DCAF1: variants seen among roughly 807,000 people sequenced by gnomAD.
DCAF1 encodes DDB1- and CUL4-associated factor 1.
A neutral mutation model predicts 128.0 loss-of-function variants in DCAF1; 15 were observed. That is an observed-to-expected ratio of 0.12 (90% confidence interval 0.08 to 0.18). The LOEUF (loss-of-function observed/expected upper bound fraction) is 0.18. Among genes scored for constraint, DCAF1 ranks in the 10% least tolerant of loss-of-function variants. The pLI, the probability that DCAF1 is intolerant of heterozygous loss-of-function variation, is 1.00. For synonymous variants in DCAF1, 610 were observed against 603.0 expected (o/e 1.01, Z -0.17); for missense variants, 988 against 1,649.5 (o/e 0.60, Z 6.95).
At chr3:51,483,907 G>C (rs574805616) in intron 2 of DCAF1, 71 bp from the exon 3 acceptor site, 3 of 1,062,204 alleles carry the variant, frequency 2.8e-6, no homozygotes, top group South Asian at 2.6e-5. Flanking sequence ...GTGAAGAAGG[G>C]GTAGAAAAGG....
intron 6 of DCAF1, 82 bp from the exon 7 acceptor site, chr3:51,443,985 G>GA (rs1370033424): frequency 5.8e-5 from 79 of 1,367,612 alleles, no homozygotes; most frequent in Non-Finnish European, 7.6e-5. Flanking sequence ...TCAGTCTCAT[G>GA]AAAAAAATTT....
chr3:51,411,786 C>T (rs1698438688), intron 23 of DCAF1, among the ~76,000 whole-genome samples: 1 of 152,036 alleles, frequency 6.6e-6, no homozygotes, highest in East Asian at 1.9e-4. Context: ...GAAGCCAGAA[C>T]GGGGCACAAA....
chr3:51,436,795 G>A lies in DCAF1; in HGVS notation c.1129-3531C>T, dbSNP rs188383786. Among the ~76,000 whole-genome samples, 34 of 152,240 alleles carry A rather than the reference G, an allele frequency of 2.2e-4. 1 individual carries two copies. The highest frequency in any genetic ancestry group is 1.4e-3 in the Admixed American group (22 of 15,292). On this transcript the variant is annotated intron_variant, in intron 9 of 24. Coordinates refer to ENST00000684031, the MANE Select transcript of DCAF1 (RefSeq NM_001387579.1). ...AAGAATTTGAAACAAACTCACTTGT[G>A]GGGAAAGAACGTAAAGAGACCGTTG...
intron 6 of DCAF1, among the ~76,000 whole-genome samples, chr3:51,452,183 G>A (rs1305453233): frequency 6.6e-6 from 1 of 151,952 alleles, no homozygotes; most frequent in African/African-American, 2.4e-5. Flanking sequence ...CCAAGCAGCT[G>A]AGACCACAGT....
At chr3:51,494,694 C>T (rs1199680758) in intron 2 of DCAF1, among the ~76,000 whole-genome samples, 5 of 151,984 alleles carry the variant, frequency 3.3e-5, no homozygotes, top group African/African-American at 1.2e-4. Context: ...GGCATTAAAA[C>T]ACTAAAATTT....
chr3:51,432,023 A>G (rs1700432873), intron 10 of DCAF1, among the ~76,000 whole-genome samples: 1 of 151,888 alleles, frequency 6.6e-6, no homozygotes, highest in Non-Finnish European at 1.5e-5. Flanking sequence ...CTGTAATCCC[A>G]GCACTTTGGG....
chr3:51,404,161 T>C (rs1240128039), intron 23 of DCAF1, among the ~76,000 whole-genome samples: 4 of 152,202 alleles, frequency 2.6e-5, no homozygotes, highest in Admixed American at 6.5e-5. Flanking sequence ...TCCCAACTGT[T>C]TCCCTTCAAA....
chr3:51,401,106 T>C (rs2089656343), intron 24 of DCAF1, among the ~76,000 whole-genome samples: 1 of 125,410 alleles, frequency 8.0e-6, no homozygotes, highest in African/African-American at 3.1e-5. Context: ...CACTCCAGCC[T>C]GGGCAACAGA....
downstream of DCAF1, chr3:51,397,670 C>CACGGCAGG (rs1353144242): frequency 6.0e-6 from 1 of 166,874 alleles, no homozygotes; most frequent in African/African-American, 2.4e-5. Flanking sequence ...GAGAGAGCTA[C>CACGGCAGG]ACGGCAGGGG....
At chr3:51,489,810 CATGT>C (rs1202556661) in intron 2 of DCAF1, among the ~76,000 whole-genome samples, 1 of 98,004 alleles carries the variant, frequency 1.0e-5, no homozygotes, top group African/African-American at 4.9e-5. Context: ...AGTGTGTATG[CATGT>C]GTGTGTGTGT....
chr3:51,485,546 G>T (rs573736459), intron 2 of DCAF1, among the ~76,000 whole-genome samples: 4 of 152,304 alleles, frequency 2.6e-5, no homozygotes, highest in Non-Finnish European at 5.9e-5. Context: ...TATAAAAGTA[G>T]CCTTAAAATC....
chr3:51,470,702 A>G (rs1255243471), intron 4 of DCAF1, among the ~76,000 whole-genome samples: 2 of 152,152 alleles, frequency 1.3e-5, no homozygotes, highest in Non-Finnish European at 2.9e-5. Flanking sequence ...AATATCAAAA[A>G]TATTTCCAAT....
intron 10 of DCAF1, among the ~76,000 whole-genome samples, chr3:51,431,047 G>C (rs782295187): frequency 8.5e-5 from 13 of 152,082 alleles, no homozygotes; most frequent in Non-Finnish European, 1.6e-4. Context: ...AGGTGTGGTG[G>C]TGTGCCCTTG....
At chr3:51,399,511 C>A (rs1400866491) in intron 24 of DCAF1, among the ~76,000 whole-genome samples, 1 of 152,194 alleles carries the variant, frequency 6.6e-6, no homozygotes, top group Non-Finnish European at 1.5e-5. Context: ...ACAGCACTGT[C>A]TCTGATGAGG....
In DCAF1 at chr3:51,420,247, C is replaced by T; in HGVS notation, c.2723G>A (p.Gly908Asp). ...SLPRTPRIAN[G>D]IATRLGSHAA... ...ATGGCTGCCCAGACGAGTTGCAATG[C>T]CATTAGCGATACGAGGGGTTCGGGG... is the stretch of plus-strand genomic sequence containing the variant. Residue 908 changes from glycine to aspartate, a missense_variant, in exon 15 of 25, where the codon GGC (glycine) becomes GAC (aspartate). By Grantham distance (94) the Gly-to-Asp change is moderately conservative (BLOSUM62 -1). This residue lies in a region of DCAF1 where 88 missense variants were observed against 107.7 expected (regional missense o/e 0.82). Transcript: ENST00000684031. This position sits in a 1 kb window ranked among gnomAD's most constrained non-coding sequence, Gnocchi z 6.5. 6.2e-7 allele frequency: 1 copy of T among 1,613,984 alleles called. No individual in the cohort carries two copies.
At position 51,476,521 on chromosome 3, in the gene DCAF1, CA is replaced by C. The variant is rs1371371555; in HGVS notation, c.111-5517del. Among the ~76,000 whole-genome samples the C allele has an allele frequency of 9.4e-3, 594 of 63,400 alleles. 4 individuals are homozygous for C. The highest frequency in any genetic ancestry group is 0.025 in the Admixed American group (110 of 4,404). The allele number at this position is 63,400 out of a possible 152,430, so 41.6% of individuals were successfully genotyped here. Reference sequence around the variant, plus strand: ...TAACTTGATCTCGATAATGGTCTTACAAAAAAAAAATCCATCTAGCAGAGTA... The same window carrying C: ...TAACTTGATCTCGATAATGGTCTTACAAAAAAAAATCCATCTAGCAGAGTA... On this transcript the variant is annotated intron_variant, in intron 3 of 24. Coordinates refer to ENST00000684031, the MANE Select transcript of DCAF1 (RefSeq NM_001387579.1).
intron 3 of DCAF1, among the ~76,000 whole-genome samples, chr3:51,474,606 G>GTT (rs1255526878): frequency 7.1e-6 from 1 of 140,686 alleles, no homozygotes. Context: ...GTTGGTGATG[G>GTT]TTTTTTTTTT....
chr3:51,485,566 T>C (rs880002158), intron 2 of DCAF1, among the ~76,000 whole-genome samples: 7 of 152,220 alleles, frequency 4.6e-5, no homozygotes, highest in Admixed American at 6.5e-5. Flanking sequence ...CAAAATGTCA[T>C]ATTCTGCCAC....
intron 23 of DCAF1, 148 bp from the exon 24 acceptor site, chr3:51,403,543 A>G (rs1041012282): frequency 1.5e-6 from 2 of 1,377,662 alleles, no homozygotes; most frequent in Admixed American, 5.3e-5. Context: ...TGAGCCAGCC[A>G]GACTTGTCAG....
Sources: gnomAD v4.1 joint callset for allele counts (sites outside exome capture counted in the v4.1 genomes callset) on GRCh38, gnomAD v4.1.1 for gene constraint, gnomAD v4.1.1 regional missense constraint, Gnocchi (gnomAD v3.1) non-coding constraint, MANE v1.5 for transcripts, NCBI Gene and HGNC (gene_info 2026-07-23, HGNC 2026-07-21) for gene names.